Variants in SMAP1 observed in about 807,000 individuals in gnomAD.
SMAP1 encodes stromal membrane-associated protein 1.
Under a neutral mutation model 58.5 loss-of-function variants are expected in SMAP1, and 24 were observed. The observed-to-expected ratio is 0.41, with a 90% confidence interval of 0.30 to 0.58. The LOEUF (loss-of-function observed/expected upper bound fraction) is 0.58, where lower values mean the gene tolerates loss of function less well. Among genes scored for constraint, SMAP1 ranks in the 20% least tolerant of loss-of-function variants. SMAP1 has a pLI of 0.29. For missense variants in SMAP1, 563 were observed against 566.3 expected, an observed-to-expected ratio of 0.99 and a Z score of 0.06; for synonymous variants, 216 against 196.6, an observed-to-expected ratio of 1.10 and a Z score of -0.82.
chr6:70,785,937 C>T (rs1768003745), intron 4 of SMAP1, among the ~76,000 whole-genome samples: 1 of 152,140 alleles, frequency 6.6e-6, no homozygotes, highest in African/African-American at 2.4e-5. Context: ...AGGGAATCCT[C>T]CCTAACTCAT....
At chr6:70,821,642 A>G (rs1476615970) in intron 6 of SMAP1, among the ~76,000 whole-genome samples, 2 of 152,196 alleles carry the variant, frequency 1.3e-5, no homozygotes, top group Non-Finnish European at 2.9e-5. Context: ...TGTTTTACCT[A>G]GTTTTAAAAA....
intron 1 of SMAP1, among the ~76,000 whole-genome samples, chr6:70,671,184 GT>G (rs34308540): frequency 0.5 from 73,518 of 147,986 alleles, 18,226 homozygotes; most frequent in Non-Finnish European, 0.52. Flanking sequence ...TTTGATTTTT[GT>G]TTTTTTTTTT....
At chr6:70,786,617 A>G (rs1157959833) in intron 4 of SMAP1, among the ~76,000 whole-genome samples, 1 of 152,134 alleles carries the variant, frequency 6.6e-6, no homozygotes, top group Admixed American at 6.5e-5. Context: ...CTCAGGATAC[A>G]AAATCAGTGT....
chr6:70,805,972 C>A (rs1341834285), intron 6 of SMAP1, among the ~76,000 whole-genome samples: 1 of 152,206 alleles, frequency 6.6e-6, no homozygotes, highest in African/African-American at 2.4e-5. Context: ...CAGGGACCCA[C>A]TTGAGGAGGC....
At chr6:70,729,045 C>T (rs953626955) in intron 1 of SMAP1, among the ~76,000 whole-genome samples, 1 of 151,888 alleles carries the variant, frequency 6.6e-6, no homozygotes, top group African/African-American at 2.4e-5. Flanking sequence ...TTCTTTGAAA[C>T]GACCTCATTC....
chr6:70,695,675 A>G (rs895731288), intron 1 of SMAP1, among the ~76,000 whole-genome samples: 2 of 152,106 alleles, frequency 1.3e-5, no homozygotes, highest in Non-Finnish European at 1.5e-5. Flanking sequence ...ATGTTGTTTA[A>G]TTTGATTTGC....
intron 7 of SMAP1, among the ~76,000 whole-genome samples, chr6:70,846,972 T>G (rs1771012441): frequency 6.6e-6 from 1 of 152,252 alleles, no homozygotes; most frequent in Non-Finnish European, 1.5e-5. Flanking sequence ...TGGCACATAG[T>G]ACTTAAATAA....
chr6:70,742,682 T>G (rs986301914), intron 2 of SMAP1, among the ~76,000 whole-genome samples: 7 of 152,196 alleles, frequency 4.6e-5, no homozygotes, highest in African/African-American at 1.7e-4. Flanking sequence ...CCACTCCCGG[T>G]ACCAGTTTAC....
At chr6:70,804,529 T>A (rs1016382665) in intron 6 of SMAP1, among the ~76,000 whole-genome samples, 10 of 152,154 alleles carry the variant, frequency 6.6e-5, no homozygotes, top group African/African-American at 2.4e-4. Flanking sequence ...GTGAATGAGA[T>A]CCTGTCATTA....
intron 1 of SMAP1, chr6:70,668,753 A>G (rs1581967540): frequency 2.3e-5 from 36 of 1,533,436 alleles, no homozygotes; most frequent in Middle Eastern, 1.7e-4. Flanking sequence ...TAATTGGAGA[A>G]AGGTCTTTAT....
At chr6:70,709,173 T>C (rs1021998854) in intron 1 of SMAP1, among the ~76,000 whole-genome samples, 1 of 152,146 alleles carries the variant, frequency 6.6e-6, no homozygotes, top group Non-Finnish European at 1.5e-5. Context: ...TTGAAGAGAC[T>C]GTACTTCCGC....
chr6:70,732,637 T>C, intron 2 of SMAP1, 126 bp downstream of exon 2: 1 of 754,778 alleles, frequency 1.3e-6, no homozygotes, highest in Non-Finnish European at 1.8e-6. Context: ...ATATGCCACG[T>C]ATAAAATTGG....
chr6:70,722,278 G>A (rs1013504014), intron 1 of SMAP1, among the ~76,000 whole-genome samples: 1 of 152,196 alleles, frequency 6.6e-6, no homozygotes, highest in African/African-American at 2.4e-5. Context: ...TTGAATTTTA[G>A]GGAGAGTAGG....
chr6:70,682,220 C>T (rs1361027101), intron 1 of SMAP1, among the ~76,000 whole-genome samples: 6 of 135,766 alleles, frequency 4.4e-5, no homozygotes, highest in African/African-American at 1.6e-4. Flanking sequence ...ATAGAGTCTC[C>T]CTCTGTCGCC....
At chr6:70,705,174 A>G (rs1277327752) in intron 1 of SMAP1, among the ~76,000 whole-genome samples, 1 of 151,934 alleles carries the variant, frequency 6.6e-6, no homozygotes. Flanking sequence ...CCATCTTTCC[A>G]GGCCTAGTTC....
chr6:70,850,996 T>C (rs1562202567), intron 7 of SMAP1, among the ~76,000 whole-genome samples: 2 of 152,286 alleles, frequency 1.3e-5, no homozygotes, highest in East Asian at 3.9e-4. Context: ...TTTAAAATTC[T>C]ATATATTGTA....
At chr6:70,773,631 A>G (rs564001279) in intron 4 of SMAP1, among the ~76,000 whole-genome samples, 22 of 152,310 alleles carry the variant, frequency 1.4e-4, no homozygotes, top group Admixed American at 1.4e-3. Context: ...AAATCTAATA[A>G]CCACTTACAT....
chr6:70,764,621 A>G (rs1476590917), intron 3 of SMAP1, among the ~76,000 whole-genome samples: 18 of 152,236 alleles, frequency 1.2e-4, no homozygotes, highest in Admixed American at 1.2e-3. Flanking sequence ...GAATACATTA[A>G]GTCCACCGTT....
intron 6 of SMAP1, among the ~76,000 whole-genome samples, chr6:70,801,352 T>C (rs1768844550): frequency 6.6e-6 from 1 of 152,178 alleles, no homozygotes; most frequent in African/African-American, 2.4e-5. Context: ...CTTTGCCCAC[T>C]TTTTGATGTG....
Sources: allele counts gnomAD v4.1 joint callset (sites outside exome capture counted in the v4.1 genomes callset), GRCh38; gene constraint gnomAD v4.1.1; transcripts MANE v1.5; gene names NCBI Gene and HGNC (gene_info 2026-07-23, HGNC 2026-07-21).